Variants in RAB38 observed in about 807,000 individuals in gnomAD.
RAB38 encodes the protein ras-related protein Rab-38.
RAB38 carries 15 observed loss-of-function variants against 18.4 expected under a neutral mutation model. That is an observed-to-expected ratio of 0.82 (90% CI 0.55 to 1.26). The LOEUF (loss-of-function observed/expected upper bound fraction) is 1.26, where lower values mean the gene tolerates loss of function less well. Among genes scored for constraint, RAB38 ranks in the 50% most tolerant of loss-of-function variants. RAB38 has a pLI of 0.00. For missense variants in RAB38, 294 were observed against 267.4 expected, an observed-to-expected ratio of 1.10 and a Z score of -0.69; for synonymous variants, 101 against 104.4, an observed-to-expected ratio of 0.97 and a Z score of 0.20.
the RAB38 span, among the ~76,000 whole-genome samples, chr11:88,084,407 T>TA: frequency 2.0e-5 from 3 of 150,438 alleles, no homozygotes; most frequent in East Asian, 3.9e-4. Context: ...TGTAACAAAA[T>TA]AAAAAAAGGA....
downstream of RAB38, among the ~76,000 whole-genome samples, chr11:88,112,539 TACC>T (rs1942487397): frequency 6.6e-6 from 1 of 152,204 alleles, no homozygotes; most frequent in South Asian, 2.1e-4. Flanking sequence ...CTGACAGAGC[TACC>T]ACGTTTCCTC....
the RAB38 span, among the ~76,000 whole-genome samples, chr11:87,834,386 T>C: frequency 6.6e-6 from 1 of 152,200 alleles, no homozygotes; most frequent in African/African-American, 2.4e-5. Context: ...TCGTGTTGTA[T>C]CCGGACTTCT....
the RAB38 span, among the ~76,000 whole-genome samples, chr11:88,024,533 G>T: frequency 6.6e-6 from 1 of 152,132 alleles, no homozygotes; most frequent in Non-Finnish European, 1.5e-5. Context: ...CCGTTGCTGG[G>T]TATATACCCA....
At chr11:88,015,478 G>A in the RAB38 span, among the ~76,000 whole-genome samples, 1 of 152,064 alleles carries the variant, frequency 6.6e-6, no homozygotes, top group Non-Finnish European at 1.5e-5. Flanking sequence ...TCATCATGAA[G>A]GTAAAGCACC....
chr11:88,053,175 G>C, the RAB38 span, among the ~76,000 whole-genome samples: 1 of 93,518 alleles, frequency 1.1e-5, no homozygotes, highest in African/African-American at 4.2e-5. Context: ...CATATATATG[G>C]AATATATATA....
At chr11:88,097,654 G>A in the RAB38 span, among the ~76,000 whole-genome samples, 1 of 151,826 alleles carries the variant, frequency 6.6e-6, no homozygotes, top group African/African-American at 2.4e-5. Flanking sequence ...AAGAATTCGA[G>A]TTCCTTCATC....
the RAB38 span, among the ~76,000 whole-genome samples, chr11:87,941,337 G>A: frequency 6.7e-6 from 1 of 149,336 alleles, no homozygotes; most frequent in Admixed American, 6.8e-5. Context: ...ATGGATAGGT[G>A]TGCAACTTAC....
the RAB38 span, among the ~76,000 whole-genome samples, chr11:87,969,350 C>G: frequency 6.6e-6 from 1 of 152,024 alleles, no homozygotes; most frequent in Non-Finnish European, 1.5e-5. Flanking sequence ...CAAACATAAC[C>G]TGAATTCCTA....
At chr11:88,161,121 A>G (rs771797542) in intron 1 of RAB38, among the ~76,000 whole-genome samples, 7 of 152,092 alleles carry the variant, frequency 4.6e-5, no homozygotes, top group Non-Finnish European at 7.4e-5. Flanking sequence ...ACCTTCATTG[A>G]TATGTCATGT....
the RAB38 span, among the ~76,000 whole-genome samples, chr11:87,818,804 A>G: frequency 1.3e-5 from 2 of 152,316 alleles, no homozygotes; most frequent in East Asian, 1.9e-4. Flanking sequence ...AGATAAAGGT[A>G]TAGCATATAT....
chr11:88,063,707 A>T, the RAB38 span, among the ~76,000 whole-genome samples: 2 of 152,148 alleles, frequency 1.3e-5, no homozygotes, highest in Non-Finnish European at 2.9e-5. Flanking sequence ...GTAGTGAATA[A>T]GTCCCATGAG....
At chr11:88,040,975 G>C in the RAB38 span, among the ~76,000 whole-genome samples, 2 of 152,138 alleles carry the variant, frequency 1.3e-5, no homozygotes, top group Non-Finnish European at 2.9e-5. Flanking sequence ...ACTTGCTTCA[G>C]AACTTTGTGT....
the RAB38 span, among the ~76,000 whole-genome samples, chr11:87,837,493 A>G: frequency 6.6e-6 from 1 of 152,184 alleles, no homozygotes; most frequent in East Asian, 1.9e-4. Flanking sequence ...CATAAGCCAT[A>G]AGTATTAAGC....
the RAB38 span, among the ~76,000 whole-genome samples, chr11:87,972,842 T>A: frequency 1.3e-5 from 2 of 152,036 alleles, no homozygotes; most frequent in Admixed American, 1.3e-4. Flanking sequence ...CAAATTGTAG[T>A]CCCCAGTGTT....
At chr11:87,894,277 G>A in the RAB38 span, among the ~76,000 whole-genome samples, 35 of 151,806 alleles carry the variant, frequency 2.3e-4, no homozygotes, top group African/African-American at 8.4e-4. Context: ...GGCAAGGTAT[G>A]AGGGAGGAAT....
the RAB38 span, among the ~76,000 whole-genome samples, chr11:87,814,155 A>G: frequency 2.6e-5 from 4 of 152,194 alleles, no homozygotes; most frequent in South Asian, 2.1e-4. Flanking sequence ...CAAGGAGGGT[A>G]GTACTCCCGA....
At chr11:87,873,922 GTATA>G in the RAB38 span, among the ~76,000 whole-genome samples, 12,599 of 103,188 alleles carry the variant, frequency 0.12, 867 homozygotes, top group African/African-American at 0.15. Context: ...GTGTGTGTGT[GTATA>G]TATATATATA....
At chr11:87,943,835 G>A in the RAB38 span, among the ~76,000 whole-genome samples, 24 of 152,016 alleles carry the variant, frequency 1.6e-4, no homozygotes, top group Non-Finnish European at 2.9e-5. Flanking sequence ...AAGAACTATA[G>A]TTCTACAATT....
chr11:87,868,942 C>G, the RAB38 span, among the ~76,000 whole-genome samples: 4 of 151,638 alleles, frequency 2.6e-5, no homozygotes, highest in African/African-American at 9.7e-5. Context: ...AGGCCACTCC[C>G]TGGCCCAAAG....
Sources: allele counts gnomAD v4.1 joint callset (sites outside exome capture counted in the v4.1 genomes callset), GRCh38; gene constraint gnomAD v4.1.1; transcripts MANE v1.5; gene names NCBI Gene and HGNC (gene_info 2026-07-23, HGNC 2026-07-21).